TNIP3: variants seen among roughly 807,000 people sequenced by gnomAD.
TNIP3 encodes TNFAIP3-interacting protein 3.
In TNIP3, 34 loss-of-function variants were observed where a neutral mutation model predicts 54.1. The observed-to-expected ratio is 0.63, with a 90% CI of 0.48 to 0.84. The LOEUF (loss-of-function observed/expected upper bound fraction) is 0.84. TNIP3 is among the 40% of genes least tolerant of loss of function. TNIP3 has a pLI of 0.00. For synonymous variants in TNIP3, 134 were observed against 136.8 expected, an observed-to-expected ratio of 0.98 and a Z score of 0.14; for missense variants, 366 against 387.6, an observed-to-expected ratio of 0.94 and a Z score of 0.47.
At chr4:121,206,870 A>T (rs1726220519) in intron 2 of TNIP3, among the ~76,000 whole-genome samples, 1 of 152,120 alleles carries the variant, frequency 6.6e-6, no homozygotes, top group African/African-American at 2.4e-5. Flanking sequence ...GAGCCCAGCC[A>T]TGTTTTCTTT....
At chr4:121,203,473 A>C (rs1201472054) in intron 2 of TNIP3, among the ~76,000 whole-genome samples, 2 of 152,100 alleles carry the variant, frequency 1.3e-5, no homozygotes, top group African/African-American at 4.8e-5. Flanking sequence ...CAGGGGAAAG[A>C]ATGGGACAGG....
intron 1 of TNIP3, chr4:121,227,351 T>G (rs1727301002): frequency 2.0e-6 from 3 of 1,531,756 alleles, no homozygotes; most frequent in Admixed American, 4.0e-5. Flanking sequence ...GTAAGCGAAA[T>G]GAAAGTAAAG....
At chr4:121,193,955 C>T (rs1325347319) in intron 2 of TNIP3, among the ~76,000 whole-genome samples, 1 of 152,118 alleles carries the variant, frequency 6.6e-6, no homozygotes, top group East Asian at 1.9e-4. Context: ...AAAGTTAAGC[C>T]AAGACTGAGA....
At chr4:121,185,939 G>A (rs1192978860) in intron 2 of TNIP3, among the ~76,000 whole-genome samples, 2 of 152,228 alleles carry the variant, frequency 1.3e-5, no homozygotes, top group African/African-American at 4.8e-5. Flanking sequence ...AACTTCAGTG[G>A]CAAGCATGTT....
chr4:121,144,962 C>T (rs1005390996), intron 7 of TNIP3, among the ~76,000 whole-genome samples: 7 of 152,132 alleles, frequency 4.6e-5, no homozygotes, highest in African/African-American at 1.7e-4. Context: ...GGCAGGAACA[C>T]CAAGTCTTTT....
At position 121,158,202 on chromosome 4, in the gene TNIP3, T is replaced by C. The variant is rs149435449; in HGVS notation, c.213+485A>G. On this transcript the variant is annotated intron_variant, in intron 3 of 10. Transcript: ENST00000057513. ...GAGCTTCTTGAGAGCAAATATGCTT[T>C]AGATGGAAGAGGAGGTTGCTCCATT... 2.4e-4 allele frequency among the ~76,000 whole-genome samples: 36 copies of C among 152,334 alleles called. 1 individual carries two copies. In the East Asian group the frequency reaches 6.6e-3, roughly 28 times the overall value.
At chr4:121,144,680 G>A (rs1729328518) in intron 7 of TNIP3, among the ~76,000 whole-genome samples, 1 of 152,198 alleles carries the variant, frequency 6.6e-6, no homozygotes, top group South Asian at 2.1e-4. Flanking sequence ...GGGATTACAG[G>A]CATGAGTCAC....
intron 2 of TNIP3, among the ~76,000 whole-genome samples, chr4:121,198,527 A>G (rs991225543): frequency 2.0e-5 from 3 of 152,218 alleles, no homozygotes; most frequent in African/African-American, 7.2e-5. Flanking sequence ...CTTAGTGGTG[A>G]GCATATTATG....
In TNIP3 at chr4:121,205,986, AG is replaced by A. The variant is rs565349608; in HGVS notation, c.68+10428del. On this transcript the variant is annotated intron_variant, in intron 2 of 12. Transcript: ENST00000507879. ...GGCAAGAAGGAGAAGTGCCGAGTAA[AG>A]GGGGAAGTCCCCTTGTAAAATCATC... Among the ~76,000 whole-genome samples the A allele has an allele frequency of 3.6e-3, 554 of 152,242 alleles. 6 individuals are homozygous for A. Among genetic ancestry groups the A allele is most frequent in the African/African-American group, 0.013 (522 of 41,560 alleles).
chr4:121,207,264 A>G (rs1217124988), intron 2 of TNIP3, among the ~76,000 whole-genome samples: 4 of 152,222 alleles, frequency 2.6e-5, no homozygotes, highest in Admixed American at 2.6e-4. Flanking sequence ...ATGATCAATG[A>G]CATATTTTAA....
At chr4:121,156,723 C>A (rs979225852) in intron 4 of TNIP3, among the ~76,000 whole-genome samples, 4 of 151,912 alleles carry the variant, frequency 2.6e-5, no homozygotes, top group African/African-American at 9.7e-5. Context: ...TTATTATGAA[C>A]ACTACTAATA....
upstream of TNIP3, among the ~76,000 whole-genome samples, chr4:121,165,522 T>G (rs1268208413): frequency 1.3e-5 from 2 of 152,324 alleles, no homozygotes; most frequent in East Asian, 3.9e-4. Flanking sequence ...TTCCATGTTC[T>G]TGTGTTAATC....
chr4:121,182,516 GT>G (rs1334195857), intron 3 of TNIP3, among the ~76,000 whole-genome samples: 1 of 152,188 alleles, frequency 6.6e-6, no homozygotes, highest in African/African-American at 2.4e-5. Flanking sequence ...GGAAGTGGCT[GT>G]GTGAGAGAAG....
intron 2 of TNIP3, among the ~76,000 whole-genome samples, chr4:121,194,867 C>T (rs755911996): frequency 1.1e-4 from 16 of 151,762 alleles, no homozygotes; most frequent in Non-Finnish European, 2.4e-4. Flanking sequence ...AAAGTACACA[C>T]ACACACAGAC....
At chr4:121,185,137 C>T (rs926037689) in intron 2 of TNIP3, among the ~76,000 whole-genome samples, 4 of 152,192 alleles carry the variant, frequency 2.6e-5, no homozygotes, top group East Asian at 1.9e-4. Context: ...AAACTCATCA[C>T]GATCTACAAG....
chr4:121,161,258 T>C lies in TNIP3; in HGVS notation c.67-42A>G, dbSNP rs771645788. The C allele has an allele frequency of 1.6e-5, 24 of 1,508,536 alleles. No homozygotes were observed. In the South Asian group the frequency reaches 2.5e-4, roughly 16 times the overall value. The allele number at this position is 1,508,536 out of a possible 1,614,324, so 93.4% of individuals were successfully genotyped here. ...GAGAGAAGATTGAAACAAAGCTGTT[T>C]ACAAAATAAACAGAAGTACTGTTCC... On this transcript the variant is annotated intron_variant, in intron 1 of 10. Coordinates refer to ENST00000057513, the MANE Select transcript of TNIP3 (RefSeq NM_024873.6).
At chr4:121,220,589 A>G (rs935248173), upstream of TNIP3, among the ~76,000 whole-genome samples, 1 of 152,130 alleles carries the variant, frequency 6.6e-6, no homozygotes, top group Non-Finnish European at 1.5e-5. Context: ...TACTGAAACA[A>G]TGTTTTTTTT....
chr4:121,188,845 C>A (rs111385303), intron 2 of TNIP3, among the ~76,000 whole-genome samples: 3,784 of 152,134 alleles, frequency 0.025, 152 homozygotes, highest in African/African-American at 0.085. Context: ...GTTTGCATGA[C>A]CATCATGTTT....
chr4:121,180,076 G>A (rs1326158375), intron 3 of TNIP3, among the ~76,000 whole-genome samples: 1 of 152,004 alleles, frequency 6.6e-6, no homozygotes, highest in East Asian at 1.9e-4. Context: ...AAAAAGCGGG[G>A]AGGGGTGGTG....
Sources: allele counts gnomAD v4.1 joint callset (sites outside exome capture counted in the v4.1 genomes callset), GRCh38; gene constraint gnomAD v4.1.1; transcripts MANE v1.5; gene names NCBI Gene and HGNC (gene_info 2026-07-23, HGNC 2026-07-21).